ELAVL2: variants seen among roughly 807,000 people sequenced by gnomAD.
ELAVL2 encodes the protein ELAV like RNA binding protein 2, also known as ELAV-like protein 2.
In ELAVL2, 4 loss-of-function variants were observed where a neutral mutation model predicts 34.6. That is an observed-to-expected ratio of 0.12 (90% confidence interval 0.06 to 0.26). The LOEUF (loss-of-function observed/expected upper bound fraction) is 0.26. Ranked by LOEUF, ELAVL2 falls within the 10% of genes least tolerant of loss-of-function variation. ELAVL2 has a pLI of 1.00. For missense variants in ELAVL2, 432 were observed against 442.8 expected (o/e 0.98, Z 0.22); for synonymous variants, 193 against 154.8 (o/e 1.25, Z -1.83).
chr9:23,737,098 T>C (rs2048077935), intron 2 of ELAVL2, among the ~76,000 whole-genome samples: 1 of 152,190 alleles, frequency 6.6e-6, no homozygotes, highest in African/African-American at 2.4e-5. Flanking sequence ...GTTATGTGTG[T>C]CTGGGGTCCA....
Position 23,826,232 on chromosome 9 carries a change from G to A in ELAVL2, c.-442C>T, listed in dbSNP as rs774496304. 7 of 152,272 alleles carry A rather than the reference G, an allele frequency of 4.6e-5. No individual in the cohort carries two copies. Among genetic ancestry groups the A allele is most frequent in the Non-Finnish European group, 7.3e-5 (5 of 68,100 alleles). The allele number at this position is 152,272 out of a possible 1,614,324, so 9.4% of individuals were successfully genotyped here. A position where few individuals can be genotyped will look rare whatever the true frequency, so the allele number is the denominator to read the frequency against. ...TAACTAAGAACAGAAATAGGGGGGA[G>A]GACGTCTTAAAAGGGAGGTGGACTG... On this transcript the variant is annotated 5_prime_UTR_variant, in exon 1 of 7. Coordinates refer to ENST00000397312, the MANE Select transcript of ELAVL2 (RefSeq NM_004432.5).
the ELAVL2 span, among the ~76,000 whole-genome samples, chr9:23,840,695 G>A: frequency 6.6e-6 from 1 of 152,128 alleles, no homozygotes; most frequent in Admixed American, 6.6e-5. Context: ...GAAACAACAT[G>A]TGAGATAACC....
chr9:23,753,678 C>A (rs752264284), intron 2 of ELAVL2, among the ~76,000 whole-genome samples: 1 of 152,120 alleles, frequency 6.6e-6, no homozygotes, highest in Non-Finnish European at 1.5e-5. Flanking sequence ...CCATCTTCCT[C>A]ATCGACATTT....
chr9:23,761,753 G>C (rs1044921377), intron 2 of ELAVL2, among the ~76,000 whole-genome samples: 1 of 151,972 alleles, frequency 6.6e-6, no homozygotes, highest in Non-Finnish European at 1.5e-5. Context: ...TATACTTTTA[G>C]AAGATTTTCC....
chr9:23,712,185 G>A (rs996959183), intron 3 of ELAVL2, among the ~76,000 whole-genome samples: 1 of 152,108 alleles, frequency 6.6e-6, no homozygotes, highest in African/African-American at 2.4e-5. Context: ...GCACAGAAAG[G>A]TGAAGCAACT....
At chr9:23,705,274 T>C (rs894195392) in intron 3 of ELAVL2, among the ~76,000 whole-genome samples, 14 of 152,180 alleles carry the variant, frequency 9.2e-5, no homozygotes, top group Non-Finnish European at 7.4e-5. Flanking sequence ...CTCCCCTAGG[T>C]GGACAGGGAA....
chr9:23,814,729 T>G (rs1287218036), intron 1 of ELAVL2, among the ~76,000 whole-genome samples: 1 of 152,170 alleles, frequency 6.6e-6, no homozygotes, highest in Admixed American at 6.5e-5. Context: ...ATTTAACACA[T>G]TCTGGATACC....
intron 1 of ELAVL2, among the ~76,000 whole-genome samples, chr9:23,800,351 T>C (rs2061434515): frequency 6.6e-6 from 1 of 152,182 alleles, no homozygotes; most frequent in Admixed American, 6.5e-5. Context: ...ACCCAGGGTA[T>C]CTGCTCATGC....
At chr9:23,826,676 G>T (rs1171268991), upstream of ELAVL2, among the ~76,000 whole-genome samples, 1 of 152,168 alleles carries the variant, frequency 6.6e-6, no homozygotes, top group Non-Finnish European at 1.5e-5. Flanking sequence ...TTCTGCTTCA[G>T]AAAGATTCAT....
At chr9:23,812,148 C>T (rs545617472) in intron 1 of ELAVL2, among the ~76,000 whole-genome samples, 1 of 152,068 alleles carries the variant, frequency 6.6e-6, no homozygotes, top group Admixed American at 6.5e-5. Flanking sequence ...TCATTTTCTG[C>T]CTCATCTCCT....
intron 3 of ELAVL2, among the ~76,000 whole-genome samples, chr9:23,730,645 T>C (rs1256978519): frequency 6.6e-6 from 1 of 152,154 alleles, no homozygotes; most frequent in East Asian, 1.9e-4. Context: ...AGTTGAGAAG[T>C]TGTGACAGAA....
At chr9:23,835,428 C>A in the ELAVL2 span, among the ~76,000 whole-genome samples, 1 of 152,066 alleles carries the variant, frequency 6.6e-6, no homozygotes, top group Non-Finnish European at 1.5e-5. Flanking sequence ...ATTCTTCCAT[C>A]TCCACTTATA....
At chr9:23,829,146 T>A (rs80053046), upstream of ELAVL2, among the ~76,000 whole-genome samples, 322 of 152,330 alleles carry the variant, frequency 2.1e-3, 13 homozygotes, top group East Asian at 0.056. Context: ...TTCCTGGCAT[T>A]ATTTTGAATT....
chr9:23,787,084 TAC>T (rs1391839676), intron 1 of ELAVL2, among the ~76,000 whole-genome samples: 1 of 152,122 alleles, frequency 6.6e-6, no homozygotes. Flanking sequence ...CAGATATATA[TAC>T]GGCAAATGTG....
Position 23,762,236 on chromosome 9 carries a change from G to T in ELAVL2, c.-2C>A. Reference sequence around the variant, plus strand: ...CCCATTAGACAGTTGTGTTTCCATGGCAGCAATTACCTGCTAAAAACAGAG... The same window carrying T: ...CCCATTAGACAGTTGTGTTTCCATGTCAGCAATTACCTGCTAAAAACAGAG... On this transcript the variant is annotated 5_prime_UTR_variant, in exon 2 of 7. Coordinates refer to ENST00000397312, the MANE Select transcript of ELAVL2 (RefSeq NM_004432.5). The T allele has an allele frequency of 6.2e-7, 1 of 1,613,194 alleles. No homozygotes were observed.
At chr9:23,715,827 A>G (rs958145229) in intron 3 of ELAVL2, among the ~76,000 whole-genome samples, 1 of 152,158 alleles carries the variant, frequency 6.6e-6, no homozygotes, top group African/African-American at 2.4e-5. Context: ...ACTGGCTGGC[A>G]TAAATAAACT....
At chr9:23,771,412 T>C (rs2057283560) in intron 1 of ELAVL2, among the ~76,000 whole-genome samples, 1 of 151,672 alleles carries the variant, frequency 6.6e-6, no homozygotes, top group Non-Finnish European at 1.5e-5. Context: ...TAAAAGAAAA[T>C]AAGGATATAT....
At chr9:23,711,182 C>G (rs190877832) in intron 3 of ELAVL2, among the ~76,000 whole-genome samples, 1 of 152,142 alleles carries the variant, frequency 6.6e-6, no homozygotes, top group African/African-American at 2.4e-5. Context: ...CACATCCAAA[C>G]AGGAAATTTT....
intron 2 of ELAVL2, among the ~76,000 whole-genome samples, chr9:23,735,007 T>A (rs2047476479): frequency 6.7e-6 from 1 of 148,188 alleles, no homozygotes; most frequent in Non-Finnish European, 1.5e-5. Flanking sequence ...CTTTAAAAAG[T>A]TTTATAAGAT....
Sources: allele counts gnomAD v4.1 joint callset (sites outside exome capture counted in the v4.1 genomes callset), GRCh38; gene constraint gnomAD v4.1.1; transcripts MANE v1.5; gene names NCBI Gene and HGNC (gene_info 2026-07-23, HGNC 2026-07-21).